The following DMRT3 variants were observed in gnomAD, a reference collection of about 807,000 sequenced individuals.
DMRT3 encodes doublesex- and mab-3-related transcription factor 3.
In DMRT3, 29 loss-of-function variants were observed where a neutral mutation model predicts 34.9. The observed-to-expected ratio is 0.83, with a 90% CI of 0.62 to 1.13. DMRT3 has a LOEUF of 1.13. Ranked by LOEUF, DMRT3 falls within the 50% of genes most tolerant of loss-of-function variation. DMRT3 has a pLI of 0.00. For missense variants in DMRT3, 772 were observed against 629.1 expected, an observed-to-expected ratio of 1.23 and a Z score of -2.43; for synonymous variants, 350 against 286.0, an observed-to-expected ratio of 1.22 and a Z score of -2.26.
At chr9:989,825 A>C (rs1334308842) in intron 1 of DMRT3, 1 of 548,082 alleles carries the variant, frequency 1.8e-6, no homozygotes, top group Non-Finnish European at 3.1e-6. Flanking sequence ...AAAGCATTCC[A>C]GGAAGCCACT....
chr9:983,959 C>T (rs374775073), intron 1 of DMRT3, among the ~76,000 whole-genome samples: 1 of 151,418 alleles, frequency 6.6e-6, no homozygotes, highest in Admixed American at 6.6e-5. Context: ...CGGCAATCCA[C>T]CCCAGGAAGA....
chr9:980,316 G>A (rs1214829965), intron 1 of DMRT3, among the ~76,000 whole-genome samples: 1 of 152,116 alleles, frequency 6.6e-6, no homozygotes, highest in Non-Finnish European at 1.5e-5. Flanking sequence ...TTATCTAATG[G>A]TGTAGTATGT....
chr9:978,236 A>G (rs1044609279), intron 1 of DMRT3, among the ~76,000 whole-genome samples: 1 of 152,104 alleles, frequency 6.6e-6, no homozygotes, highest in Admixed American at 6.6e-5. Context: ...AATACAAAAA[A>G]TCTGATCCCC....
At chr9:989,317 T>C (rs1405702636) in intron 1 of DMRT3, among the ~76,000 whole-genome samples, 2 of 152,238 alleles carry the variant, frequency 1.3e-5, no homozygotes, top group African/African-American at 4.8e-5. Flanking sequence ...ACTTCCTTTT[T>C]TCCTCTCCAG....
chr9:990,704 G>C lies in DMRT3; in HGVS notation c.1118G>C (p.Arg373Thr). The C allele has an allele frequency of 6.2e-7, 1 of 1,614,120 alleles. No homozygotes were observed. Among genetic ancestry groups the C allele is most frequent in the Non-Finnish European group, 8.5e-7 (1 of 1,180,044 alleles). The change falls in exon 2 of 2, where the codon AGG becomes ACG. Residue 373 changes from arginine to threonine, a missense_variant. Arg to Thr is a moderately conservative substitution (Grantham distance 71, BLOSUM62 -1). Transcript: ENST00000190165. ...PQPPRYPLMLRNTLARSQSSP... is the reference protein window; with the variant it reads ...PQPPRYPLMLTNTLARSQSSP... ...CCACCCCGGTACCCGCTGATGCTGAGGAATACTTTGGCGAGAAGCCAGTCG... is the reference window on the plus strand; with the variant it reads ...CCACCCCGGTACCCGCTGATGCTGACGAATACTTTGGCGAGAAGCCAGTCG...
rs756703183 is a variant in DMRT3 at position 990,882 on chromosome 9, C to G, written c.1296C>G (p.Asp432Glu). Reference protein sequence around the residue: ...SPVLPARATEDPRISIPDDGC... With the variant: ...SPVLPARATEEPRISIPDDGC... Reference sequence around the variant, plus strand: ...TCCTTCCTGCCCGCGCCACGGAAGACCCTCGGATTTCCATCCCTGATGATG... The same window carrying G: ...TCCTTCCTGCCCGCGCCACGGAAGAGCCTCGGATTTCCATCCCTGATGATG... The change falls in exon 2 of 2, where the codon GAC (aspartate) becomes GAG (glutamate). Residue 432 changes from aspartate to glutamate, a missense_variant. Transcript: ENST00000190165. 29 of 1,614,048 alleles carry G rather than the reference C, an allele frequency of 1.8e-5. No homozygotes were observed. Among genetic ancestry groups the G allele is most frequent in the Non-Finnish European group, 2.2e-5 (26 of 1,180,044 alleles).
rs1820150373 is a variant in DMRT3, at chr9:976,687, T to G, written c.-315T>G. Among the ~76,000 whole-genome samples the G allele has an allele frequency of 1.3e-5, 2 of 152,192 alleles. No individual in the cohort carries two copies. The highest frequency in any genetic ancestry group is 4.8e-5 in the African/African-American group (2 of 41,532). Reference sequence around the variant, plus strand: ...AGCTGGCTCAGACCTTAATCAGAGCTGTCGCCGGCTCCTTGCAGCCGCCGC... The same window carrying G: ...AGCTGGCTCAGACCTTAATCAGAGCGGTCGCCGGCTCCTTGCAGCCGCCGC... On this transcript the variant is annotated 5_prime_UTR_variant, in exon 1 of 2. Coordinates refer to ENST00000190165, the MANE Select transcript of DMRT3 (RefSeq NM_021240.4). This position sits in a 1 kb window ranked among gnomAD's most constrained non-coding sequence, Gnocchi z 4.5.
In DMRT3 at chr9:990,652, G is replaced by A. The variant is rs1217129481; in HGVS notation, c.1066G>A (p.Gly356Arg). 7 of 1,613,980 alleles carry A rather than the reference G, an allele frequency of 4.3e-6. No homozygotes were observed. Among genetic ancestry groups the A allele is most frequent in the African/African-American group, 4.0e-5 (3 of 74,886 alleles). Residue 356 changes from glycine (G) to arginine (R), a missense_variant, in exon 2 of 2, where the codon GGG (glycine) becomes AGG (arginine). Physicochemically the swap from Gly to Arg is moderately radical, Grantham distance 125. Transcript: ENST00000190165. ...SSNVVPSPLA[G>R]PLQPPFPQPP... ...CAACGTTGTCCCCAGTCCCTTGGCT[G>A]GGCCTCTGCAGCCCCCTTTCCCCCA...
intron 1 of DMRT3, among the ~76,000 whole-genome samples, chr9:987,470 A>G (rs1320143972): frequency 2.6e-5 from 4 of 151,000 alleles, no homozygotes. Context: ...ACCACGTTTT[A>G]TACATTCATG....
intron 1 of DMRT3, among the ~76,000 whole-genome samples, chr9:983,326 T>G (rs2130063082): frequency 6.6e-6 from 1 of 152,332 alleles, no homozygotes; most frequent in South Asian, 2.1e-4. Context: ...TATTACTTTG[T>G]TTAGTTCAGT....
At chr9:985,337 TTCTAGGAATTAGG>T (rs1426494939) in intron 1 of DMRT3, among the ~76,000 whole-genome samples, 10 of 152,188 alleles carry the variant, frequency 6.6e-5, no homozygotes, top group Admixed American at 2.0e-4. Context: ...ACTCTTAATG[TTCTAGGAATTAGG>T]GTTTCAGTTT....
rs770025429 is a variant in DMRT3, at chr9:990,488, A to G, written c.902A>G (p.Glu301Gly). ...ACGGGAGCAGAGCGAACTTCCGCAG[A>G]ACCTGAGAGTCTAGCGTTGCCCTCC... Reference protein sequence around the residue: ...SVTGAERTSAEPESLALPSNG... With the variant: ...SVTGAERTSAGPESLALPSNG... The change falls in exon 2 of 2, where the codon GAA becomes GGA. Residue 301 changes from glutamate (E) to glycine (G), a missense_variant. Transcript: ENST00000190165. 1 of 1,614,158 alleles carries G rather than the reference A, an allele frequency of 6.2e-7. No individual in the cohort carries two copies. The highest frequency in any genetic ancestry group is 1.1e-5 in the South Asian group (1 of 91,078).
chr9:987,058 A>G (rs11999042), intron 1 of DMRT3, among the ~76,000 whole-genome samples: 42,245 of 151,948 alleles, frequency 0.28, 6,509 homozygotes, highest in African/African-American at 0.38. Flanking sequence ...TAAAGTATAT[A>G]TAACATAAAG....
At position 990,254 on chromosome 9, in the gene DMRT3, G is replaced by A. The variant is rs1398178889; in HGVS notation, c.668G>A (p.Cys223Tyr). The change falls in exon 2 of 2, where the codon TGT (cysteine) becomes TAT (tyrosine). Residue 223 changes from cysteine to tyrosine, a missense_variant. Coordinates refer to ENST00000190165, the MANE Select transcript of DMRT3 (RefSeq NM_021240.4). ...GAGAGCCGCCCTGACAGCCCCAAGT[G>A]TCACGCGGAGCAGAATCACCTCCTG... ...NPESRPDSPK[C>Y]HAEQNHLLIE... is the part of the protein sequence containing the mutation. The A allele has an allele frequency of 2.5e-6, 4 of 1,613,936 alleles. No individual in the cohort carries two copies. Among genetic ancestry groups the A allele is most frequent in the South Asian group, 1.1e-5 (1 of 91,038 alleles).
chr9:989,874 T>A, intron 1 of DMRT3, 167 bp from the exon 2 acceptor site: 1 of 780,774 alleles, frequency 1.3e-6, no homozygotes. Context: ...TTTTGTTTCA[T>A]TTGCCAGTGA....
intron 1 of DMRT3, among the ~76,000 whole-genome samples, chr9:979,323 A>G (rs1820188302): frequency 6.6e-6 from 1 of 152,194 alleles, no homozygotes; most frequent in Non-Finnish European, 1.5e-5. Context: ...GGGAGAATAG[A>G]AAAAGGAAAC....
rs747630827 is a variant in DMRT3 at position 990,953 on chromosome 9, A to C, written c.1367A>C (p.Tyr456Ser). The change falls in exon 2 of 2, where the codon TAT (tyrosine) becomes TCT (serine). Residue 456 changes from tyrosine to serine, a missense_variant. Coordinates refer to ENST00000190165, the MANE Select transcript of DMRT3 (RefSeq NM_021240.4). ...CAGTCCATTTACACCGAGGACGACT[A>C]TGACGAGAGGTCTGACTCCTCAGAC... ...SKQSIYTEDD[Y>S]DERSDSSDSR... is the part of the protein sequence containing the mutation. The C allele has an allele frequency of 1.2e-6, 2 of 1,614,098 alleles. No individual in the cohort carries two copies. The highest frequency in any genetic ancestry group is 3.3e-5 in the Admixed American group (2 of 60,022).
At chr9:984,811 G>A (rs189755164) in intron 1 of DMRT3, among the ~76,000 whole-genome samples, 10 of 152,130 alleles carry the variant, frequency 6.6e-5, no homozygotes, top group Non-Finnish European at 1.5e-4. Flanking sequence ...ATATGTGGTA[G>A]ACTTTCTCAA....
chr9:986,854 G>A (rs999666760), intron 1 of DMRT3, among the ~76,000 whole-genome samples: 2 of 146,466 alleles, frequency 1.4e-5, no homozygotes, highest in Non-Finnish European at 3.0e-5. Flanking sequence ...CCATGCCACT[G>A]CACTCCAGCC....
Sources: gnomAD v4.1 joint callset for allele counts (sites outside exome capture counted in the v4.1 genomes callset) on GRCh38, gnomAD v4.1.1 for gene constraint, Gnocchi (gnomAD v3.1) non-coding constraint, MANE v1.5 for transcripts, NCBI Gene and HGNC (gene_info 2026-07-23, HGNC 2026-07-21) for gene names.